The following GRK5 variants were observed in gnomAD, a reference collection of about 807,000 sequenced individuals.
The protein encoded by GRK5 is G protein-coupled receptor kinase 5.
GRK5 carries 40 observed loss-of-function variants against 78.4 expected under a neutral mutation model. The ratio of observed to expected loss-of-function variants is 0.51; its 90% confidence interval spans 0.40 to 0.66. The LOEUF (loss-of-function observed/expected upper bound fraction) is 0.66, where lower values mean the gene tolerates loss of function less well. Among genes scored for constraint, GRK5 ranks in the 30% least tolerant of loss-of-function variants. The pLI is 0.00. For synonymous variants in GRK5, 289 were observed against 296.8 expected (o/e 0.97, Z 0.27); for missense variants, 598 against 759.9 (o/e 0.79, Z 2.50).
chr10:119,385,584 G>A (rs1316108874), intron 3 of GRK5, among the ~76,000 whole-genome samples: 5 of 152,190 alleles, frequency 3.3e-5, no homozygotes, highest in Admixed American at 6.5e-5. Flanking sequence ...CCCTGGCGGT[G>A]GTGAGAAGTG....
Position 119,336,942 on chromosome 10 carries a change from G to A in GRK5, c.148+10331G>A, listed in dbSNP as rs114827996. On this transcript the variant is annotated intron_variant, in intron 2 of 15. Coordinates refer to ENST00000392870, the MANE Select transcript of GRK5 (RefSeq NM_005308.3). The surrounding 1 kb of genome is among the most constrained non-coding windows in gnomAD (Gnocchi z 4.5). ...TTAGTCTCACCTCCCCACTACGGCC[G>A]GAAGCTCCTTGAAAGAGAAGGCACG... Among the ~76,000 whole-genome samples, 437 of 152,238 alleles carry A rather than the reference G, an allele frequency of 2.9e-3. 3 individuals are homozygous for A. Among genetic ancestry groups the A allele is most frequent in the African/African-American group, 9.8e-3 (409 of 41,536 alleles).
At chr10:119,348,903 A>T (rs907949912) in intron 2 of GRK5, among the ~76,000 whole-genome samples, 1 of 152,184 alleles carries the variant, frequency 6.6e-6, no homozygotes, top group Non-Finnish European at 1.5e-5. Context: ...TGGCCAGACG[A>T]CAGGGCCGCT....
rs1849523078 is a variant in GRK5 at position 119,267,681 on chromosome 10, C to T, written c.53-58835C>T. Among the ~76,000 whole-genome samples the T allele has an allele frequency of 6.6e-6, 1 of 152,192 alleles. No individual in the cohort carries two copies. The highest frequency in any genetic ancestry group is 1.5e-5 in the Non-Finnish European group (1 of 68,028). ...GGAGGTCCAGCACCGCTCGTGGACCCAAACTGTCCTCCAGGAAAGGCGGGA... is the reference window on the plus strand; with the variant it reads ...GGAGGTCCAGCACCGCTCGTGGACCTAAACTGTCCTCCAGGAAAGGCGGGA... On this transcript the variant is annotated intron_variant, in intron 1 of 15. Transcript: ENST00000392870. The surrounding 1 kb of genome is among the most constrained non-coding windows in gnomAD (Gnocchi z 4.1).
rs137922712 is a variant in GRK5 at position 119,270,011 on chromosome 10, A to G, written c.53-56505A>G. On this transcript the variant is annotated intron_variant, in intron 1 of 15. Transcript: ENST00000392870. ...CTCCAGCCTCCTTGGAGTACCTTGA[A>G]TGTACCTTCCTATTGCTGTTCCCTC... 2.0e-5 allele frequency among the ~76,000 whole-genome samples: 3 copies of G among 152,076 alleles called. No individual in the cohort carries two copies. The East Asian group carries it at 5.8e-4, about 29-fold the overall frequency.
chr10:119,260,821 G>A (rs1401019072), intron 1 of GRK5, among the ~76,000 whole-genome samples: 24 of 150,084 alleles, frequency 1.6e-4, no homozygotes, highest in African/African-American at 5.2e-4. Flanking sequence ...ACACAGACAC[G>A]GCAACCATCC....
chr10:119,256,880 G>A (rs769702415), intron 1 of GRK5, among the ~76,000 whole-genome samples: 1 of 152,086 alleles, frequency 6.6e-6, no homozygotes, highest in Non-Finnish European at 1.5e-5. Flanking sequence ...ATCTAATAGC[G>A]ATCACTTCCC....
chr10:119,452,621 C>G lies in GRK5; in HGVS notation c.1405-50C>G. On this transcript the variant is annotated intron_variant, in intron 13 of 15. Transcript: ENST00000392870. This position sits in a 1 kb window ranked among gnomAD's most constrained non-coding sequence, Gnocchi z 4.4. Reference sequence around the variant, plus strand: ...AACCCCAAGGCCTGGCTCGGGGCCACTGGAGCCGCAGGCGGGACATATGTG... The same window carrying G: ...AACCCCAAGGCCTGGCTCGGGGCCAGTGGAGCCGCAGGCGGGACATATGTG... 6.2e-7 allele frequency: 1 copy of G among 1,609,898 alleles called. No homozygotes were observed. The highest frequency in any genetic ancestry group is 8.5e-7 in the Non-Finnish European group (1 of 1,177,822).
intron 3 of GRK5, among the ~76,000 whole-genome samples, chr10:119,390,690 A>C (rs1851875917): frequency 1.3e-5 from 2 of 152,140 alleles, no homozygotes; most frequent in South Asian, 4.1e-4. Context: ...GTGAGACTCC[A>C]TCTCAAAATC....
At chr10:119,240,784 G>A (rs1045967904) in intron 1 of GRK5, among the ~76,000 whole-genome samples, 2 of 151,802 alleles carry the variant, frequency 1.3e-5, no homozygotes, top group African/African-American at 2.4e-5. Flanking sequence ...GTCTCACCAC[G>A]TATCCCAGTC....
At chr10:119,441,890 G>T in intron 10 of GRK5, 109 bp from the exon 11 acceptor site, 1 of 809,322 alleles carries the variant, frequency 1.2e-6, no homozygotes, top group Non-Finnish European at 2.1e-6. Flanking sequence ...TGTTGTCCTT[G>T]GACAGATGAG....
chr10:119,417,508 C>T (rs1852482459), intron 4 of GRK5, among the ~76,000 whole-genome samples: 1 of 152,204 alleles, frequency 6.6e-6, no homozygotes, highest in African/African-American at 2.4e-5. Context: ...TGTACAAATG[C>T]AGCTTCAGGA....
intron 4 of GRK5, among the ~76,000 whole-genome samples, chr10:119,414,918 C>G (rs1852415106): frequency 6.6e-6 from 1 of 151,706 alleles, no homozygotes; most frequent in Non-Finnish European, 1.5e-5. Context: ...ACCGTCTCTA[C>G]TAAAAATACA....
chr10:119,455,077 T>C lies in GRK5; in HGVS notation c.*10T>C, dbSNP rs1274050319. On this transcript the variant is annotated 3_prime_UTR_variant, in exon 16 of 16. Coordinates refer to ENST00000392870, the MANE Select transcript of GRK5 (RefSeq NM_005308.3). The stretch of plus-strand genomic sequence containing the variant: ...CACCGGAAGCAGCTAGTTTCGGCTC[T>C]GGCCTCCAAGTCCACAGTGGAACCA... 1 of 1,603,908 alleles carries C rather than the reference T, an allele frequency of 6.2e-7. No homozygotes were observed. Among genetic ancestry groups the C allele is most frequent in the Non-Finnish European group, 8.5e-7 (1 of 1,170,706 alleles).
chr10:119,301,321 G>A (rs565488957), intron 1 of GRK5, among the ~76,000 whole-genome samples: 117 of 152,304 alleles, frequency 7.7e-4, no homozygotes, highest in African/African-American at 2.7e-3. Context: ...AAGGAGCCAC[G>A]CAGCCTTGGC....
At chr10:119,273,796 T>C (rs529105649) in intron 1 of GRK5, among the ~76,000 whole-genome samples, 30 of 152,232 alleles carry the variant, frequency 2.0e-4, no homozygotes, top group African/African-American at 7.0e-4. Flanking sequence ...TTTTTTTTGA[T>C]GGAGTCTCGC....
At chr10:119,331,739 C>T (rs796998958) in intron 2 of GRK5, among the ~76,000 whole-genome samples, 28 of 152,364 alleles carry the variant, frequency 1.8e-4, no homozygotes, top group African/African-American at 6.5e-4. Flanking sequence ...CTTCTGCCTT[C>T]AGCCCTGCCC....
chr10:119,371,717 T>C (rs1422022581), intron 2 of GRK5, among the ~76,000 whole-genome samples: 3 of 152,168 alleles, frequency 2.0e-5, no homozygotes, highest in Admixed American at 2.0e-4. Context: ...AGAGTCAAGG[T>C]TCCTTTTTCA....
chr10:119,326,704 G>A, intron 2 of GRK5, 93 bp downstream of exon 2: 4 of 935,470 alleles, frequency 4.3e-6, no homozygotes, highest in Non-Finnish European at 6.9e-6. Flanking sequence ...GAGCCGCCAA[G>A]CTGTCTGTGC....
intron 9 of GRK5, among the ~76,000 whole-genome samples, chr10:119,438,635 C>G (rs1224805547): frequency 6.6e-6 from 1 of 152,140 alleles, no homozygotes; most frequent in Non-Finnish European, 1.5e-5. Flanking sequence ...AGCTCGTCTT[C>G]TTCCGGGGGA....
Sources: allele counts gnomAD v4.1 joint callset (sites outside exome capture counted in the v4.1 genomes callset), GRCh38; gene constraint gnomAD v4.1.1; non-coding constraint Gnocchi (gnomAD v3.1); transcripts MANE v1.5; gene names NCBI Gene and HGNC (gene_info 2026-07-23, HGNC 2026-07-21).